Variants in CD2AP observed in about 807,000 individuals in gnomAD.
The protein encoded by CD2AP is CD2 associated protein.
In CD2AP, 46 loss-of-function variants were observed where a neutral mutation model predicts 85.1. The observed-to-expected ratio is 0.54, with a 90% CI of 0.43 to 0.69. The LOEUF is 0.69. Among genes scored for constraint, CD2AP ranks in the 30% least tolerant of loss-of-function variants. The pLI is 0.00. For missense variants in CD2AP, 769 were observed against 729.5 expected (o/e 1.05, Z -0.62); for synonymous variants, 255 against 252.9 (o/e 1.01, Z -0.08).
chr6:47,503,931 TCTC>T (rs1426059872), intron 2 of CD2AP, among the ~76,000 whole-genome samples: 3 of 152,238 alleles, frequency 2.0e-5, no homozygotes, highest in Non-Finnish European at 4.4e-5. Flanking sequence ...TCGCTGGTCT[TCTC>T]ATTATATTTT....
chr6:47,578,640 A>C (rs1582583158), intron 8 of CD2AP, among the ~76,000 whole-genome samples: 1 of 147,510 alleles, frequency 6.8e-6, no homozygotes, highest in Non-Finnish European at 1.5e-5. Context: ...TCTCTTTTCC[A>C]CTTCCTTTCA....
chr6:47,586,924 A>C (rs1582593579), intron 11 of CD2AP, among the ~76,000 whole-genome samples: 1 of 152,190 alleles, frequency 6.6e-6, no homozygotes, highest in East Asian at 1.9e-4. Flanking sequence ...AAGGCATAAC[A>C]AAGGAAATGA....
intron 17 of CD2AP, among the ~76,000 whole-genome samples, chr6:47,619,894 T>C (rs1361058814): frequency 1.3e-5 from 2 of 152,254 alleles, no homozygotes; most frequent in African/African-American, 4.8e-5. Context: ...ATTCATGAAC[T>C]TAGCCCACTT....
In CD2AP at chr6:47,562,710, G is replaced by C. The variant is rs1767893998; in HGVS notation, c.541+7944G>C. On this transcript the variant is annotated intron_variant, in intron 5 of 17. Coordinates refer to ENST00000359314, the MANE Select transcript of CD2AP (RefSeq NM_012120.3). ...CAGAAGACCACCCTCATCCACAGTA[G>C]CCTAGCAGTGAAATTTGTGAAGCTG... 23 of 722,878 alleles carry C rather than the reference G, an allele frequency of 3.2e-5. No individual in the cohort carries two copies. In the South Asian group the frequency reaches 3.3e-4, roughly 10 times the overall value. 44.8% of individuals were successfully genotyped at this position (722,878 alleles called of 1,614,324 possible).
chr6:47,605,678 C>A (rs1412027553), intron 13 of CD2AP, among the ~76,000 whole-genome samples: 1 of 151,904 alleles, frequency 6.6e-6, no homozygotes, highest in East Asian at 1.9e-4. Context: ...TATTGAGAAA[C>A]ACAAATCAAA....
chr6:47,502,282 T>C (rs979110553), intron 1 of CD2AP, among the ~76,000 whole-genome samples: 3 of 152,158 alleles, frequency 2.0e-5, no homozygotes, highest in African/African-American at 7.2e-5. Flanking sequence ...CTTAAGTAAT[T>C]ACATACAATT....
chr6:47,493,766 T>G (rs558716510), intron 1 of CD2AP, among the ~76,000 whole-genome samples: 2 of 152,292 alleles, frequency 1.3e-5, no homozygotes, highest in African/African-American at 4.8e-5. Flanking sequence ...ATTCTTTTTC[T>G]CTTTGCATTT....
intron 2 of CD2AP, among the ~76,000 whole-genome samples, chr6:47,505,845 G>T (rs1364947492): frequency 8.1e-6 from 1 of 123,730 alleles, no homozygotes; most frequent in Non-Finnish European, 1.8e-5. Flanking sequence ...TGTCCGGGCG[G>T]GGGGGCTGAC....
At chr6:47,485,248 T>C (rs1765539680) in intron 1 of CD2AP, among the ~76,000 whole-genome samples, 1 of 152,140 alleles carries the variant, frequency 6.6e-6, no homozygotes, top group South Asian at 2.1e-4. Context: ...AAAAAGGCAT[T>C]GTTATCGTAG....
chr6:47,509,767 C>T lies in CD2AP; in HGVS notation c.165+6327C>T, dbSNP rs374599411. On this transcript the variant is annotated intron_variant, in intron 2 of 17. Coordinates refer to ENST00000359314, the MANE Select transcript of CD2AP (RefSeq NM_012120.3). ...TGGTATTAGACAAATCACATAATTTCCCTGTTTTCTCCACTTTAAAGTGGT... is the reference window on the plus strand; with the variant it reads ...TGGTATTAGACAAATCACATAATTTTCCTGTTTTCTCCACTTTAAAGTGGT... Among the ~76,000 whole-genome samples, 10 of 152,282 alleles carry T rather than the reference C, an allele frequency of 6.6e-5. No homozygotes were observed. In the East Asian group the frequency reaches 1.3e-3, roughly 21 times the overall value.
chr6:47,621,935 A>G (rs993193734), intron 17 of CD2AP, among the ~76,000 whole-genome samples: 1 of 152,118 alleles, frequency 6.6e-6, no homozygotes, highest in African/African-American at 2.4e-5. Flanking sequence ...GTCTTCCACT[A>G]CTAGGGTGGG....
chr6:47,621,897 G>A (rs1825566), intron 17 of CD2AP, among the ~76,000 whole-genome samples: 50,715 of 152,012 alleles, frequency 0.33, 9,332 homozygotes, highest in Middle Eastern at 0.52. Flanking sequence ...GGGCGGGGCC[G>A]TAGAACTCCC....
At chr6:47,522,650 C>G (rs2114008644) in intron 2 of CD2AP, among the ~76,000 whole-genome samples, 1 of 152,156 alleles carries the variant, frequency 6.6e-6, no homozygotes, top group African/African-American at 2.4e-5. Context: ...TTTCAGGAAG[C>G]TGACAAATGA....
chr6:47,541,813 T>G (rs1224088562), intron 3 of CD2AP, among the ~76,000 whole-genome samples: 1 of 152,230 alleles, frequency 6.6e-6, no homozygotes, highest in African/African-American at 2.4e-5. Context: ...AACATAAGTC[T>G]TCTGACTTCC....
At chr6:47,595,214 A>T (rs904777006) in intron 11 of CD2AP, among the ~76,000 whole-genome samples, 3 of 151,968 alleles carry the variant, frequency 2.0e-5, no homozygotes, top group African/African-American at 7.2e-5. Context: ...AAAATTGTCA[A>T]AATTGTTTTT....
intron 2 of CD2AP, among the ~76,000 whole-genome samples, chr6:47,512,457 G>T (rs1202918360): frequency 6.6e-6 from 1 of 152,214 alleles, no homozygotes; most frequent in Non-Finnish European, 1.5e-5. Flanking sequence ...AATTCAGATA[G>T]CTATACTGAA....
At chr6:47,522,790 TCA>T (rs1766629545) in intron 2 of CD2AP, among the ~76,000 whole-genome samples, 1 of 151,866 alleles carries the variant, frequency 6.6e-6, no homozygotes, top group African/African-American at 2.4e-5. Context: ...ATGTTTATTT[TCA>T]GTTTATTTGC....
At chr6:47,596,430 C>G (rs1267438222) in intron 12 of CD2AP, among the ~76,000 whole-genome samples, 1 of 152,110 alleles carries the variant, frequency 6.6e-6, no homozygotes, top group African/African-American at 2.4e-5. Context: ...CAACTCACAA[C>G]CACTTCAGGC....
In CD2AP at chr6:47,624,409, A is replaced by T. The variant is rs868503079; in HGVS notation, c.*182A>T. 3 of 574,632 alleles carry T rather than the reference A, an allele frequency of 5.2e-6. No homozygotes were observed. Among genetic ancestry groups the T allele is most frequent in the Middle Eastern group, 7.1e-4 (2 of 2,836 alleles). The allele number at this position is 574,632 out of a possible 1,614,324, so 35.6% of individuals were successfully genotyped here. The stretch of plus-strand genomic sequence containing the variant: ...TATATATATATTTTGTTTTGCCAAT[A>T]TGAAGAAAAAGAGGCCTTATTTCTT... On this transcript the variant is annotated 3_prime_UTR_variant, in exon 18 of 18. Transcript: ENST00000359314.
Sources: gnomAD v4.1 joint callset for allele counts (sites outside exome capture counted in the v4.1 genomes callset) on GRCh38, gnomAD v4.1.1 for gene constraint, MANE v1.5 for transcripts, NCBI Gene and HGNC (gene_info 2026-07-23, HGNC 2026-07-21) for gene names.